NOMO1: variants seen among roughly 807,000 people sequenced by gnomAD.
The protein encoded by NOMO1 is nodal modulator 3.
NOMO1 carries 40 observed loss-of-function variants against 133.8 expected under a neutral mutation model. That is an observed-to-expected ratio of 0.30 (90% confidence interval 0.23 to 0.39). NOMO1 has a LOEUF of 0.39. NOMO1 is among the 10% of genes least tolerant of loss of function. NOMO1 has a pLI of 1.00. For missense variants in NOMO1, 462 were observed against 1,419.9 expected (o/e 0.33, Z 10.84); for synonymous variants, 236 against 570.5 (o/e 0.41, Z 8.36).
At chr16:14,839,562 A>G (rs565576732) in intron 2 of NOMO1, among the ~76,000 whole-genome samples, 50 of 151,300 alleles carry the variant, frequency 3.3e-4, no homozygotes, top group Middle Eastern at 3.4e-3. Context: ...GGAAGTTGCA[A>G]AAATAGTCAA....
chr16:14,879,990 A>G lies in NOMO1; in HGVS notation c.2758-25A>G. On this transcript the variant is annotated intron_variant, in intron 23 of 30. Transcript: ENST00000287667. ...AAGCCATGCCTAGATGTGGCTGCTG[A>G]GGCTCAGTGTGATTATCTTGGTAGA... The G allele has an allele frequency of 1.9e-6, 3 of 1,611,586 alleles. No individual in the cohort carries two copies. The South Asian group carries it at 3.3e-5, about 18-fold the overall frequency.
intron 1 of NOMO1, among the ~76,000 whole-genome samples, chr16:14,837,222 C>G (rs1364664377): frequency 6.6e-6 from 1 of 151,764 alleles, no homozygotes; most frequent in Non-Finnish European, 1.5e-5. Flanking sequence ...GCTATGTTGT[C>G]CAGGCTGGTC....
chr16:14,880,395 A>G (rs1186431128), intron 24 of NOMO1, among the ~76,000 whole-genome samples: 3 of 151,524 alleles, frequency 2.0e-5, no homozygotes, highest in Non-Finnish European at 4.4e-5. Context: ...GCTTTTATTT[A>G]TTTTTTATTT....
chr16:14,884,572 C>T lies in NOMO1; in HGVS notation c.3222+90C>T, dbSNP rs954527534. The T allele has an allele frequency of 1.6e-5, 25 of 1,595,894 alleles. 1 individual carries two copies. The African/African-American group carries it at 1.6e-4, about 10-fold the overall frequency. On this transcript the variant is annotated intron_variant, in intron 27 of 30. Coordinates refer to ENST00000287667, the MANE Select transcript of NOMO1 (RefSeq NM_014287.4). ...GATGTTTTTGGGTTTGTGCCTGTCT[C>T]GTGCCTTAGGTGTGACAGGTGGAGG...
intron 3 of NOMO1, among the ~76,000 whole-genome samples, chr16:14,842,098 A>G (rs1963612219): frequency 6.6e-6 from 1 of 151,968 alleles, no homozygotes; most frequent in African/African-American, 2.4e-5. Flanking sequence ...ACTGCCTTCA[A>G]GCATAGCTGG....
At chr16:14,873,438 C>T (rs1463926840) in intron 18 of NOMO1, among the ~76,000 whole-genome samples, 2 of 139,788 alleles carry the variant, frequency 1.4e-5, no homozygotes, top group South Asian at 2.4e-4. Context: ...GTCGGAGAGT[C>T]GTTGAGGGAC....
intron 15 of NOMO1, among the ~76,000 whole-genome samples, chr16:14,868,153 A>C: frequency 8.2e-6 from 1 of 122,508 alleles, no homozygotes; most frequent in African/African-American, 3.1e-5. Context: ...CGAGCTAAAG[A>C]CCCCTCGGTG....
chr16:14,889,094 A>G lies in NOMO1; in HGVS notation c.3325-2A>G, dbSNP rs752560891. ...AAATAACTTCTTCCCATGTGTGCAC[A>G]GAACTATGTTGTGCTTCTGGACTCC... On this transcript the variant is annotated splice_acceptor_variant, in intron 28 of 30. Transcript: ENST00000287667. LOFTEE classifies it high-confidence loss of function. 2 of 1,611,830 alleles carry G rather than the reference A, an allele frequency of 1.2e-6. No individual in the cohort carries two copies. The highest frequency in any genetic ancestry group is 1.1e-5 in the South Asian group (1 of 90,952).
chr16:14,879,978 A>T, intron 23 of NOMO1, 37 bp from the exon 24 acceptor site: 1 of 1,611,510 alleles, frequency 6.2e-7, no homozygotes, highest in Non-Finnish European at 8.5e-7. Context: ...CCATGCCTAG[A>T]TGTGGCTGCT....
intron 29 of NOMO1, among the ~76,000 whole-genome samples, chr16:14,893,635 G>A (rs1469446506): frequency 5.3e-5 from 8 of 151,646 alleles, no homozygotes; most frequent in South Asian, 4.2e-4. Context: ...CAGGTACAGC[G>A]GCGCCCACAG....
intron 2 of NOMO1, among the ~76,000 whole-genome samples, chr16:14,840,869 G>A (rs2151892355): frequency 6.7e-6 from 1 of 150,260 alleles, no homozygotes; most frequent in South Asian, 2.1e-4. Flanking sequence ...GTCTTGCTAT[G>A]TTGCTTAGGC....
intron 22 of NOMO1, among the ~76,000 whole-genome samples, chr16:14,877,582 C>T (rs1231732554): frequency 1.3e-5 from 2 of 151,816 alleles, no homozygotes; most frequent in African/African-American, 2.4e-5. Flanking sequence ...AAAGACAACC[C>T]GCTAGAAAAA....
rs1771530554 is a variant in NOMO1 at position 14,877,575 on chromosome 16, G to T, written c.2643+785G>T. 6.6e-5 allele frequency among the ~76,000 whole-genome samples: 10 copies of T among 152,096 alleles called. No homozygotes were observed. The South Asian group carries it at 2.1e-3, about 32-fold the overall frequency. ...GAGCTCCTAAGATTGGTAAGAAAAA[G>T]ACAACCCGCTAGAAAAAAAATGAAC... On this transcript the variant is annotated intron_variant, in intron 22 of 30. Transcript: ENST00000287667.
chr16:14,891,951 C>G (rs963336673), intron 29 of NOMO1, among the ~76,000 whole-genome samples: 5 of 152,042 alleles, frequency 3.3e-5, no homozygotes, highest in Admixed American at 6.5e-5. Flanking sequence ...TTAGAAAGTG[C>G]CGGAGAGGGC....
rs62038475 is a variant in NOMO1, at chr16:14,875,159, T to A, written c.2178T>A (p.Asn726Lys). The change falls in exon 19 of 31, where the codon AAT (asparagine) becomes AAA (lysine). Residue 726 changes from asparagine to lysine, a missense_variant. By Grantham distance (94) the Asn-to-Lys change is moderately conservative. Coordinates refer to ENST00000287667, the MANE Select transcript of NOMO1 (RefSeq NM_014287.4). ...GGCAGGAGAGGGAGAAAAACGGCAA[T>A]GAGGAAGGCGAAGAAAGAATGACCA... The part of the protein sequence containing the change: ...ARRQEREKNG[N>K]EEGEERMTKP... 272,322 of 1,550,548 alleles carry A rather than the reference T, an allele frequency of 0.18. 19 individuals are homozygous for A. Among genetic ancestry groups the A allele is most frequent in the Non-Finnish European group, 0.19 (216,351 of 1,140,134 alleles).
chr16:14,875,504 G>A, intron 20 of NOMO1, 82 bp downstream of exon 20: 1 of 776,752 alleles, frequency 1.3e-6, no homozygotes, highest in Non-Finnish European at 2.1e-6. Flanking sequence ...GATTTGTGAT[G>A]TTATAGTGAA....
rs753817044 is a variant in NOMO1, at chr16:14,840,807, G to A, written c.256-555G>A. The stretch of plus-strand genomic sequence containing the variant: ...CTCCTAAGTAGCTAAGACTGTAGGC[G>A]CCTGCCACCACACCCAGCTGATTTT... On this transcript the variant is annotated intron_variant, in intron 2 of 30. Coordinates refer to ENST00000287667, the MANE Select transcript of NOMO1 (RefSeq NM_014287.4). 7.6e-4 allele frequency among the ~76,000 whole-genome samples: 110 copies of A among 143,824 alleles called. No homozygotes were observed. The Middle Eastern group carries it at 0.011, about 14-fold the overall frequency. The allele number at this position is 143,824 out of a possible 152,430, so 94.4% of individuals were successfully genotyped here.
At chr16:14,836,730 G>T (rs199501654) in intron 1 of NOMO1, among the ~76,000 whole-genome samples, 4 of 128,222 alleles carry the variant, frequency 3.1e-5, no homozygotes, top group African/African-American at 1.2e-4. Context: ...ACGGAGTCTC[G>T]CTCTGTCGCC....
rs202043983 is a variant in NOMO1, at chr16:14,856,852, T to A, written c.964-365T>A. ...GGGCATCCAAAGTGATGCCGGGGTG[T>A]GCATGGGAGACTGGAGGAAGACGTG... On this transcript the variant is annotated intron_variant, in intron 9 of 30. Transcript: ENST00000287667. Among the ~76,000 whole-genome samples, 954 of 150,980 alleles carry A rather than the reference T, an allele frequency of 6.3e-3. 31 individuals are homozygous for A. The East Asian group carries it at 0.077, about 12-fold the overall frequency.
Sources: gnomAD v4.1 joint callset for allele counts (sites outside exome capture counted in the v4.1 genomes callset) on GRCh38, gnomAD v4.1.1 for gene constraint, MANE v1.5 for transcripts, NCBI Gene and HGNC (gene_info 2026-07-23, HGNC 2026-07-21) for gene names.